ZNF566: variants seen among roughly 807,000 people sequenced by gnomAD.
ZNF566 encodes the protein zinc finger protein 566.
Under a neutral mutation model 32.8 loss-of-function variants are expected in ZNF566, and 27 were observed. The observed-to-expected ratio is 0.82, with a 90% CI of 0.61 to 1.14. The LOEUF is 1.14. ZNF566 is among the 50% of genes most tolerant of loss of function. The probability of loss-of-function intolerance (pLI) is 0.00; values close to 1 mark genes in which losing one functional copy is unlikely to be tolerated. For missense variants in ZNF566, 402 were observed against 490.4 expected (o/e 0.82, Z 1.70); for synonymous variants, 154 against 159.5 (o/e 0.97, Z 0.26).
At chr19:36,489,122 TATC>T (rs528625937) in intron 1 of ZNF566, among the ~76,000 whole-genome samples, 73 of 152,154 alleles carry the variant, frequency 4.8e-4, no homozygotes, top group African/African-American at 1.7e-3. Flanking sequence ...TACTCGCAGG[TATC>T]CCCACCTGAA....
In ZNF566 at chr19:36,472,922, C is replaced by T. The variant is rs759152153; in HGVS notation, c.221G>A (p.Gly74Asp). 7 of 1,613,390 alleles carry T rather than the reference C, an allele frequency of 4.3e-6. No homozygotes were observed. Among genetic ancestry groups the T allele is most frequent in the East Asian group, 2.2e-5 (1 of 44,888 alleles). The change falls in exon 4 of 5, where the codon GGC (glycine) becomes GAC (aspartate). Residue 74 changes from glycine to aspartate, a missense_variant. By Grantham distance (94) the Gly-to-Asp change is moderately conservative (BLOSUM62 -1). Coordinates refer to ENST00000452939, the MANE Select transcript of ZNF566 (RefSeq NM_001145344.1). Reference sequence around the variant, plus strand: ...TGTGCCTCACTTACCTGGCCACTGGCCTCTTGTTAGCTCTCTGTCAGCCAA... The same window carrying T: ...TGTGCCTCACTTACCTGGCCACTGGTCTCTTGTTAGCTCTCTGTCAGCCAA... ...PWLADRELTR[G>D]QWPVLESRCE...
At chr19:36,472,847 A>G (rs2033799007) in intron 4 of ZNF566, 64 bp downstream of exon 4, 1 of 1,309,032 alleles carries the variant, frequency 7.6e-7, no homozygotes, top group South Asian at 1.3e-5. Context: ...TTTCCCAGAT[A>G]GCATCTAAAA....
At chr19:36,466,711 T>C (rs937800270) in intron 4 of ZNF566, among the ~76,000 whole-genome samples, 2 of 152,206 alleles carry the variant, frequency 1.3e-5, no homozygotes, top group Non-Finnish European at 2.9e-5. Context: ...AAAAAGATAC[T>C]TGTAGTTTGT....
intron 1 of ZNF566, among the ~76,000 whole-genome samples, chr19:36,481,203 G>A (rs1228042464): frequency 6.6e-6 from 1 of 152,024 alleles, no homozygotes; most frequent in Non-Finnish European, 1.5e-5. Flanking sequence ...GGGCACAGGG[G>A]CTCATACCTG....
intron 4 of ZNF566, among the ~76,000 whole-genome samples, chr19:36,451,180 C>G (rs2033147970): frequency 6.6e-6 from 1 of 152,144 alleles, no homozygotes; most frequent in South Asian, 2.1e-4. Context: ...TGAATGTTCT[C>G]TTGGATAGCC....
chr19:36,469,802 C>T (rs550199544), intron 4 of ZNF566, among the ~76,000 whole-genome samples: 6 of 152,064 alleles, frequency 3.9e-5, no homozygotes, highest in South Asian at 2.1e-4. Flanking sequence ...AATCTATATG[C>T]GTAAAGTGTG....
At position 36,449,903 on chromosome 19, in the gene ZNF566, G is replaced by A. The variant is rs141774193; in HGVS notation, c.331C>T (p.Arg111Cys). 1,627 of 1,613,754 alleles carry A rather than the reference G, an allele frequency of 1.0e-3. 4 individuals are homozygous for A. Among genetic ancestry groups the A allele is most frequent in the Non-Finnish European group, 1.3e-3 (1,534 of 1,179,898 alleles). The change falls in exon 5 of 5, where the codon CGT becomes TGT. Residue 111 changes from arginine (R) to cysteine (C), a missense_variant. By Grantham distance (180) the Arg-to-Cys change is radical. Around this residue, in one of 3 missense-constraint regions of ZNF566, gnomAD observed 220 missense variants for 241.9 expected, o/e 0.91. Transcript: ENST00000452939. ...CTGAAACTGGAGCACTGAAAATCAC[G>A]TCTTGTGAGTTTTTCCATTATTTCC... The part of the protein sequence containing the change: ...QWEIMEKLTR[R>C]DFQCSSFRDD...
chr19:36,456,812 AT>A (rs1207514971), intron 4 of ZNF566, among the ~76,000 whole-genome samples: 2 of 152,124 alleles, frequency 1.3e-5, no homozygotes, highest in African/African-American at 4.8e-5. Context: ...TAAAATGTCC[AT>A]ACTACCCAAA....
At chr19:36,451,889 C>T (rs2145636269) in intron 4 of ZNF566, among the ~76,000 whole-genome samples, 1 of 152,146 alleles carries the variant, frequency 6.6e-6, no homozygotes, top group South Asian at 2.1e-4. Context: ...GCACTGTAAT[C>T]CCAGCTACTC....
intron 1 of ZNF566, among the ~76,000 whole-genome samples, chr19:36,486,154 G>A (rs577589743): frequency 8.3e-4 from 126 of 152,146 alleles, no homozygotes; most frequent in Non-Finnish European, 1.6e-3. Context: ...AGATAAAAAG[G>A]ATTAAAGAAC....
intron 1 of ZNF566, among the ~76,000 whole-genome samples, chr19:36,486,233 CAGTA>C (rs2034158491): frequency 6.6e-6 from 1 of 152,112 alleles, no homozygotes. Context: ...GATCCTGAAA[CAGTA>C]AGAAAATTTA....
intron 1 of ZNF566, among the ~76,000 whole-genome samples, chr19:36,483,839 G>A (rs958110786): frequency 6.6e-6 from 1 of 151,982 alleles, no homozygotes; most frequent in African/African-American, 2.4e-5. Context: ...AAAAAGGGAA[G>A]TGACATACAA....
intron 4 of ZNF566, among the ~76,000 whole-genome samples, chr19:36,467,777 C>G (rs1451760728): frequency 9.4e-6 from 1 of 106,740 alleles, no homozygotes; most frequent in Admixed American, 1.3e-4. Flanking sequence ...GGTGACAGAG[C>G]GAGACTCCAT....
At chr19:36,485,285 A>AG (rs974586274) in intron 1 of ZNF566, among the ~76,000 whole-genome samples, 11 of 150,656 alleles carry the variant, frequency 7.3e-5, no homozygotes, top group South Asian at 2.1e-4. Context: ...AAAAAAAAAA[A>AG]AAAGAAAATA....
intron 1 of ZNF566, among the ~76,000 whole-genome samples, chr19:36,479,378 AAAC>A (rs1223500426): frequency 2.0e-5 from 3 of 152,204 alleles, no homozygotes; most frequent in Non-Finnish European, 4.4e-5. Flanking sequence ...CAAGTGAATT[AAAC>A]AACATGGTCT....
chr19:36,472,497 T>C (rs558696216), intron 4 of ZNF566, among the ~76,000 whole-genome samples: 1 of 152,260 alleles, frequency 6.6e-6, no homozygotes, highest in African/African-American at 2.4e-5. Flanking sequence ...TATGAATGAA[T>C]CAATGAGGGC....
In ZNF566 at chr19:36,473,477, A is replaced by G. The variant is rs199893084; in HGVS notation, c.10-19T>C. The G allele has an allele frequency of 4.5e-5, 68 of 1,526,080 alleles. No homozygotes were observed. The highest frequency in any genetic ancestry group is 1.6e-4 in the Admixed American group (7 of 44,046). 94.5% of individuals were successfully genotyped at this position (1,526,080 alleles called of 1,614,324 possible). A position where few individuals can be genotyped will look rare whatever the true frequency, so the allele number is the denominator to read the frequency against. On this transcript the variant is annotated intron_variant, in intron 2 of 4. Transcript: ENST00000452939. ...CTGACTCCTGGAACAATAACCACGT[A>G]TATGACTTCATTAATTTTTTAAAAA... is the stretch of plus-strand genomic sequence containing the variant.
intron 4 of ZNF566, among the ~76,000 whole-genome samples, chr19:36,450,569 G>A (rs1006316200): frequency 5.3e-5 from 8 of 152,116 alleles, no homozygotes; most frequent in Non-Finnish European, 7.4e-5. Flanking sequence ...GCTTGAACCC[G>A]GGAGGCAGAG....
intron 1 of ZNF566, among the ~76,000 whole-genome samples, chr19:36,477,576 T>C (rs527565250): frequency 7.0e-6 from 1 of 143,646 alleles, no homozygotes; most frequent in African/African-American, 2.6e-5. Context: ...TCTTGCTCTG[T>C]CGCCCAGGCT....
Sources: gnomAD v4.1 joint callset for allele counts (sites outside exome capture counted in the v4.1 genomes callset) on GRCh38, gnomAD v4.1.1 for gene constraint, gnomAD v4.1.1 regional missense constraint, MANE v1.5 for transcripts, NCBI Gene and HGNC (gene_info 2026-07-23, HGNC 2026-07-21) for gene names.